PSD3: variants seen among roughly 807,000 people sequenced by gnomAD.
PSD3 encodes the protein PH and SEC7 domain-containing protein 3.
Under a neutral mutation model 105.5 loss-of-function variants are expected in PSD3, and 49 were observed. That is an observed-to-expected ratio of 0.46 (90% CI 0.37 to 0.59). PSD3 has a LOEUF of 0.59. PSD3 is among the 20% of genes least tolerant of loss of function. The pLI is 0.00. For missense variants in PSD3, 1,561 were observed against 1,263.8 expected (o/e 1.24, Z -3.57); for synonymous variants, 557 against 457.8 (o/e 1.22, Z -2.77).
intron 15 of PSD3, among the ~76,000 whole-genome samples, chr8:18,537,574 C>T (rs966072457): frequency 1.3e-5 from 2 of 152,092 alleles, no homozygotes; most frequent in African/African-American, 4.8e-5. Context: ...ATATTGTGAC[C>T]AGTAAGACGT....
intron 12 of PSD3, among the ~76,000 whole-genome samples, chr8:18,587,688 T>C (rs530977969): frequency 1.1e-4 from 17 of 152,306 alleles, no homozygotes; most frequent in Non-Finnish European, 5.9e-5. Flanking sequence ...AGTAAGATTT[T>C]TCCACGCCTC....
At chr8:18,801,452 G>C in intron 6 of PSD3, 70 bp from the exon 7 acceptor site, 1 of 827,770 alleles carries the variant, frequency 1.2e-6, no homozygotes, top group South Asian at 1.6e-5. Flanking sequence ...ATAGTTAAAA[G>C]TCAATTTATA....
Position 18,817,714 on chromosome 8 carries a change from T to C in PSD3, c.1635-12816A>G, listed in dbSNP as rs139299998. Among the ~76,000 whole-genome samples the C allele has an allele frequency of 6.2e-4, 95 of 152,342 alleles. No individual in the cohort carries two copies. The South Asian group carries it at 0.017, about 27-fold the overall frequency. Reference sequence around the variant, plus strand: ...AGTTTTATTGTAAGCAATTTCCTTATTACGGAATCTAGAGACTCTGATCAG... The same window carrying C: ...AGTTTTATTGTAAGCAATTTCCTTACTACGGAATCTAGAGACTCTGATCAG... On this transcript the variant is annotated intron_variant, in intron 4 of 15. Transcript: ENST00000327040.
At chr8:18,982,047 A>G (rs1324221463) in intron 1 of PSD3, among the ~76,000 whole-genome samples, 6 of 152,206 alleles carry the variant, frequency 3.9e-5, no homozygotes, top group African/African-American at 1.4e-4. Context: ...TCAAATCTGA[A>G]GTCAATCCTC....
intron 12 of PSD3, among the ~76,000 whole-genome samples, chr8:18,581,560 C>T (rs543720016): frequency 6.6e-6 from 1 of 152,186 alleles, no homozygotes; most frequent in Non-Finnish European, 1.5e-5. Flanking sequence ...TGTTGTATAT[C>T]ACAAGCTCTA....
At chr8:18,989,293 G>C (rs17384817) in intron 1 of PSD3, 1 of 152,148 alleles carries the variant, frequency 6.6e-6, no homozygotes, top group Admixed American at 6.5e-5. Flanking sequence ...AGGTGTTGCT[G>C]AGTGACTGGA....
At chr8:18,757,992 T>C (rs1344407986) in intron 9 of PSD3, among the ~76,000 whole-genome samples, 1 of 152,132 alleles carries the variant, frequency 6.6e-6, no homozygotes, top group African/African-American at 2.4e-5. Flanking sequence ...TTTTTTTTTT[T>C]AGAGTGGACT....
intron 1 of PSD3, among the ~76,000 whole-genome samples, chr8:18,986,908 A>G (rs141216655): frequency 6.6e-6 from 1 of 152,264 alleles, no homozygotes; most frequent in Non-Finnish European, 1.5e-5. Flanking sequence ...CCGTGGGCCT[A>G]CTTTAACCCA....
At chr8:18,831,907 A>C (rs150399517) in intron 4 of PSD3, among the ~76,000 whole-genome samples, 2 of 152,316 alleles carry the variant, frequency 1.3e-5, no homozygotes, top group Non-Finnish European at 2.9e-5. Flanking sequence ...ACAAAAAAAA[A>C]ATAGAAAAAG....
chr8:18,726,666 T>C (rs558747656), intron 9 of PSD3, among the ~76,000 whole-genome samples: 1 of 152,336 alleles, frequency 6.6e-6, no homozygotes, highest in East Asian at 1.9e-4. Context: ...TTCTGTTGCA[T>C]CTTTATAACC....
chr8:18,681,657 A>T (rs906426804), intron 9 of PSD3, among the ~76,000 whole-genome samples: 4 of 152,110 alleles, frequency 2.6e-5, no homozygotes, highest in Non-Finnish European at 4.4e-5. Flanking sequence ...AATTTAGGGT[A>T]CAAGCCTGTC....
At chr8:18,967,947 C>T (rs1005458262) in intron 1 of PSD3, among the ~76,000 whole-genome samples, 11 of 152,150 alleles carry the variant, frequency 7.2e-5, no homozygotes, top group Non-Finnish European at 4.4e-5. Flanking sequence ...CTTCCAATAT[C>T]CAAGTTCTAC....
At chr8:18,809,853 C>CAA (rs138000640) in intron 4 of PSD3, among the ~76,000 whole-genome samples, 2 of 151,428 alleles carry the variant, frequency 1.3e-5, no homozygotes, top group African/African-American at 4.9e-5. Flanking sequence ...CCTCTAAATA[C>CAA]AAAAAAAACA....
At chr8:18,551,180 T>C (rs1266515027) in intron 15 of PSD3, among the ~76,000 whole-genome samples, 5 of 152,152 alleles carry the variant, frequency 3.3e-5, no homozygotes, top group Non-Finnish European at 7.4e-5. Flanking sequence ...GCCCCTACTA[T>C]GAAAATTGCT....
chr8:19,018,876 A>G (rs1351160325), intron 1 of PSD3, among the ~76,000 whole-genome samples: 1 of 152,188 alleles, frequency 6.6e-6, no homozygotes, highest in African/African-American at 2.4e-5. Flanking sequence ...AGCTCACTGC[A>G]GCCTCCGCCT....
intron 4 of PSD3, among the ~76,000 whole-genome samples, chr8:18,852,799 A>C (rs1175399412): frequency 2.6e-5 from 4 of 152,196 alleles, no homozygotes; most frequent in Admixed American, 6.5e-5. Context: ...GCCTCACATA[A>C]GGAAGCACAA....
chr8:18,982,675 C>G (rs937732680), intron 1 of PSD3, among the ~76,000 whole-genome samples: 4 of 152,180 alleles, frequency 2.6e-5, no homozygotes, highest in Admixed American at 2.0e-4. Flanking sequence ...AGGTGCATGG[C>G]TGAAGAGCAG....
intron 2 of PSD3, among the ~76,000 whole-genome samples, chr8:18,889,386 C>T (rs927955599): frequency 7.2e-5 from 11 of 152,040 alleles, no homozygotes; most frequent in Admixed American, 3.9e-4. Flanking sequence ...CACCCCTGTG[C>T]GAGCGTGCCT....
chr8:18,643,409 C>T (rs185719010), intron 10 of PSD3, among the ~76,000 whole-genome samples: 11 of 152,286 alleles, frequency 7.2e-5, no homozygotes, highest in Non-Finnish European at 1.6e-4. Context: ...TTAACTCTTT[C>T]TAGCACCAAC....
Sources: allele counts gnomAD v4.1 joint callset (sites outside exome capture counted in the v4.1 genomes callset), GRCh38; gene constraint gnomAD v4.1.1; transcripts MANE v1.5; gene names NCBI Gene and HGNC (gene_info 2026-07-23, HGNC 2026-07-21).